The following ARHGEF10L variants were observed in gnomAD, a reference collection of about 807,000 sequenced individuals.
The protein encoded by ARHGEF10L is rho guanine nucleotide exchange factor 10-like protein.
Under a neutral mutation model 141.2 loss-of-function variants are expected in ARHGEF10L, and 69 were observed. The observed-to-expected ratio is 0.49, with a 90% confidence interval of 0.40 to 0.60. The LOEUF is 0.60. Among genes scored for constraint, ARHGEF10L ranks in the 20% least tolerant of loss-of-function variants. The pLI is 0.00. For synonymous variants in ARHGEF10L, 711 were observed against 718.5 expected (o/e 0.99, Z 0.17); for missense variants, 1,482 against 1,734.3 (o/e 0.85, Z 2.58).
At chr1:17,554,746 T>G (rs1316007343) in intron 1 of ARHGEF10L, among the ~76,000 whole-genome samples, 1 of 152,174 alleles carries the variant, frequency 6.6e-6, no homozygotes, top group East Asian at 1.9e-4. Flanking sequence ...CATGCCAACA[T>G]GCTAAGCTAG....
chr1:17,554,168 T>C (rs900710810), intron 1 of ARHGEF10L, among the ~76,000 whole-genome samples: 6 of 152,120 alleles, frequency 3.9e-5, no homozygotes, highest in African/African-American at 1.4e-4. Context: ...ACCCAGTTCA[T>C]CCGCCCTTGA....
chr1:17,642,742 C>T (rs2061393322), intron 21 of ARHGEF10L, among the ~76,000 whole-genome samples: 1 of 152,182 alleles, frequency 6.6e-6, no homozygotes, highest in South Asian at 2.1e-4. Flanking sequence ...CTGTCCTGTC[C>T]CTGGCAGAAG....
chr1:17,594,967 GTGCATTGCTTAGCATTACC>G (rs2079935606), intron 4 of ARHGEF10L, among the ~76,000 whole-genome samples: 1 of 152,136 alleles, frequency 6.6e-6, no homozygotes. Context: ...TCCCTGGCCT[GTGCATTGCTTAGCATTACC>G]TGAGATGCTC....
intron 1 of ARHGEF10L, among the ~76,000 whole-genome samples, chr1:17,556,613 G>A (rs2077337496): frequency 6.6e-6 from 1 of 152,174 alleles, no homozygotes; most frequent in African/African-American, 2.4e-5. Flanking sequence ...AGGTGCTGGA[G>A]ACTGGCAGGT....
At chr1:17,612,965 T>A in intron 7 of ARHGEF10L, 93 bp from the exon 8 acceptor site, 1 of 853,188 alleles carries the variant, frequency 1.2e-6, no homozygotes, top group East Asian at 2.5e-5. Context: ...TACCTGAGTC[T>A]CCTTTCTCCC....
At chr1:17,617,855 T>A (rs1289048230) in intron 9 of ARHGEF10L, among the ~76,000 whole-genome samples, 1 of 152,018 alleles carries the variant, frequency 6.6e-6, no homozygotes, top group African/African-American at 2.4e-5. Flanking sequence ...AGTCCCTAAG[T>A]GGAGGCGTTT....
rs2064022991 is a variant in ARHGEF10L at position 17,680,329 on chromosome 1, G to A, written c.3010-7244G>A. Among the ~76,000 whole-genome samples the A allele has an allele frequency of 2.6e-5, 4 of 152,222 alleles. No homozygotes were observed. The South Asian group carries it at 8.3e-4, about 31-fold the overall frequency. ...CTTCCGGCCCCTTGGCGACATCTCA[G>A]CTCTAATGACTTTGAGTGCTGAGCT... On this transcript the variant is annotated intron_variant, in intron 26 of 28. Transcript: ENST00000361221.
chr1:17,650,208 G>A (rs1030725999), intron 22 of ARHGEF10L, among the ~76,000 whole-genome samples: 1 of 151,958 alleles, frequency 6.6e-6, no homozygotes, highest in Non-Finnish European at 1.5e-5. Flanking sequence ...CCAGGAGTTC[G>A]AGACCAGCCT....
rs146426262 is a variant in ARHGEF10L at position 17,663,467 on chromosome 1, C to T, written c.2861-980C>T. 5.7e-4 allele frequency among the ~76,000 whole-genome samples: 87 copies of T among 151,590 alleles called. 1 individual carries two copies. In the East Asian group the frequency reaches 0.015, roughly 25 times the overall value. ...ACTTCGGAGGCTGAGGCAAGAGAAT[C>T]GCTGGAACCCGGGGAGGCAGAGGTT... is the stretch of plus-strand genomic sequence containing the variant. On this transcript the variant is annotated intron_variant, in intron 25 of 28. Transcript: ENST00000361221.
intron 26 of ARHGEF10L, among the ~76,000 whole-genome samples, chr1:17,671,854 C>T (rs964085073): frequency 6.6e-6 from 1 of 152,156 alleles, no homozygotes; most frequent in African/African-American, 2.4e-5. Flanking sequence ...ATCCCCATGG[C>T]CCAAGGCCAG....
chr1:17,597,362 T>C (rs946512631), intron 4 of ARHGEF10L, among the ~76,000 whole-genome samples: 7 of 151,972 alleles, frequency 4.6e-5, no homozygotes, highest in African/African-American at 1.7e-4. Context: ...GTGGCTTCCA[T>C]GGACAGCGGC....
chr1:17,574,700 G>A (rs1250391972), intron 1 of ARHGEF10L, among the ~76,000 whole-genome samples: 1 of 152,182 alleles, frequency 6.6e-6, no homozygotes, highest in East Asian at 1.9e-4. Context: ...CTCTGCCTGT[G>A]TTTTCTTGAA....
chr1:17,596,561 G>A (rs1272457046), intron 4 of ARHGEF10L, among the ~76,000 whole-genome samples: 2 of 152,240 alleles, frequency 1.3e-5, no homozygotes, highest in African/African-American at 2.4e-5. Flanking sequence ...CAGAATGCTT[G>A]TGCGTGTGGA....
At chr1:17,695,340 G>A (rs1303270030) in intron 28 of ARHGEF10L, 60 bp downstream of exon 28, 17 of 1,528,506 alleles carry the variant, frequency 1.1e-5, no homozygotes, top group Non-Finnish European at 1.4e-5. Context: ...TGGCCAGTGG[G>A]GCTTGGCGGG....
At position 17,625,941 on chromosome 1, in the gene ARHGEF10L, C is replaced by A. The variant is rs373109860; in HGVS notation, c.1318-15C>A. 711 of 1,612,910 alleles carry A rather than the reference C, an allele frequency of 4.4e-4. No individual in the cohort carries two copies. The highest frequency in any genetic ancestry group is 5.4e-4 in the Non-Finnish European group (633 of 1,179,080). On this transcript the variant is annotated splice_polypyrimidine_tract_variant and intron_variant, in intron 13 of 28. Coordinates refer to ENST00000361221, the MANE Select transcript of ARHGEF10L (RefSeq NM_018125.4). This position sits in a 1 kb window ranked among gnomAD's most constrained non-coding sequence, Gnocchi z 4.5. ...TGCAGGGGGTCAGCGAATGACGGAA[C>A]CTTGTCTCCACCAGCGACGGCAGGT... is the stretch of plus-strand genomic sequence containing the variant.
At chr1:17,616,041 A>G in intron 8 of ARHGEF10L, 53 bp from the exon 9 acceptor site, 2 of 1,517,146 alleles carry the variant, frequency 1.3e-6, no homozygotes, top group African/African-American at 2.7e-5. Flanking sequence ...GGCCCTCGGT[A>G]GCAGGCATCC....
chr1:17,547,824 G>T (rs1418739714), intron 1 of ARHGEF10L, among the ~76,000 whole-genome samples: 1 of 152,170 alleles, frequency 6.6e-6, no homozygotes, highest in Non-Finnish European at 1.5e-5. Flanking sequence ...TCTCAATATT[G>T]TGGTGCATAT....
At chr1:17,651,516 C>T (rs1362004598) in intron 22 of ARHGEF10L, among the ~76,000 whole-genome samples, 2 of 152,160 alleles carry the variant, frequency 1.3e-5, no homozygotes, top group African/African-American at 2.4e-5. Context: ...CTCTTGAGAG[C>T]ACAGGATGCA....
At chr1:17,637,467 G>T (rs910359038) in intron 18 of ARHGEF10L, among the ~76,000 whole-genome samples, 3 of 152,074 alleles carry the variant, frequency 2.0e-5, no homozygotes, top group African/African-American at 7.3e-5. Flanking sequence ...GGGCGCTCTG[G>T]TCAGGGTAGG....
Sources: gnomAD v4.1 joint callset for allele counts (sites outside exome capture counted in the v4.1 genomes callset) on GRCh38, gnomAD v4.1.1 for gene constraint, Gnocchi (gnomAD v3.1) non-coding constraint, MANE v1.5 for transcripts, NCBI Gene and HGNC (gene_info 2026-07-23, HGNC 2026-07-21) for gene names.